Variants in MAPK10 observed in about 807,000 individuals in gnomAD.
MAPK10 encodes mitogen-activated protein kinase 10, also known as JNK3 alpha protein kinase.
Under a neutral mutation model 59.3 loss-of-function variants are expected in MAPK10, and 25 were observed. That is an observed-to-expected ratio of 0.42 (90% confidence interval 0.31 to 0.59). MAPK10 has a LOEUF of 0.59. MAPK10 is among the 20% of genes least tolerant of loss of function. The pLI is 0.15. For synonymous variants in MAPK10, 190 were observed against 200.5 expected (o/e 0.95, Z 0.44); for missense variants, 351 against 568.9 (o/e 0.62, Z 3.90).
chr4:86,376,196 C>G (rs1384989976), intron 1 of MAPK10, among the ~76,000 whole-genome samples: 5 of 152,108 alleles, frequency 3.3e-5, no homozygotes, highest in African/African-American at 2.4e-5. Context: ...TAAGGTACTA[C>G]TAAATAATAA....
At chr4:86,064,594 C>T in intron 10 of MAPK10, 9 of 572,360 alleles carry the variant, frequency 1.6e-5, no homozygotes, top group Middle Eastern at 4.7e-4. Flanking sequence ...CTGAGGCTCT[C>T]CAAGGGTTGT....
At chr4:86,228,530 A>AT (rs1233530093) in intron 2 of MAPK10, among the ~76,000 whole-genome samples, 2 of 152,196 alleles carry the variant, frequency 1.3e-5, no homozygotes, top group Non-Finnish European at 2.9e-5. Flanking sequence ...TAAGTTACAA[A>AT]TTCATCTCAG....
intron 1 of MAPK10, among the ~76,000 whole-genome samples, chr4:86,473,219 G>A (rs1426810126): frequency 1.3e-5 from 2 of 152,250 alleles, no homozygotes; most frequent in East Asian, 1.9e-4. Context: ...AGAAATTGTG[G>A]TCTTAAAATA....
chr4:86,400,882 T>A (rs1743620584), intron 1 of MAPK10, among the ~76,000 whole-genome samples: 1 of 152,138 alleles, frequency 6.6e-6, no homozygotes, highest in Non-Finnish European at 1.5e-5. Context: ...CTTTTATTTT[T>A]AAAAGAATTT....
chr4:86,219,200 A>G (rs553166474), intron 2 of MAPK10, among the ~76,000 whole-genome samples: 86 of 152,138 alleles, frequency 5.7e-4, no homozygotes, highest in African/African-American at 2.0e-3. Context: ...AGAGATTTCC[A>G]TGGTATTGGG....
intron 2 of MAPK10, 34 bp downstream of exon 2, chr4:86,354,496 C>T: frequency 1.0e-6 from 1 of 978,976 alleles, no homozygotes; most frequent in Non-Finnish European, 1.3e-6. Context: ...TCCTAGTTTT[C>T]ATGCTAAGGA....
intron 9 of MAPK10, among the ~76,000 whole-genome samples, chr4:86,087,056 C>T (rs1023912934): frequency 4.6e-5 from 7 of 152,108 alleles, no homozygotes; most frequent in South Asian, 2.1e-4. Flanking sequence ...CCACATTACC[C>T]GAGCCCTAAA....
At chr4:86,089,996 C>G (rs548695978) in intron 9 of MAPK10, among the ~76,000 whole-genome samples, 74 of 152,160 alleles carry the variant, frequency 4.9e-4, no homozygotes, top group African/African-American at 1.7e-3. Context: ...AACTGTGAAT[C>G]AAAAGAAACC....
intron 2 of MAPK10, among the ~76,000 whole-genome samples, chr4:86,235,776 G>A (rs1429745399): frequency 2.0e-5 from 3 of 152,116 alleles, no homozygotes; most frequent in Non-Finnish European, 4.4e-5. Context: ...CTGTGGTGGA[G>A]GTGAACAGTG....
At position 86,103,228 on chromosome 4, in the gene MAPK10, T is replaced by C; in HGVS notation, c.383A>G (p.Asn128Ser). 6.3e-7 allele frequency: 1 copy of C among 1,589,148 alleles called. No individual in the cohort carries two copies. The highest frequency in any genetic ancestry group is 2.2e-5 in the East Asian group (1 of 44,722). ...VNHKNIISLLNVFTPQKTLEE... is the reference protein window; with the variant it reads ...VNHKNIISLLSVFTPQKTLEE... ...CAGCGTTTTCTGGGGTGTGAAGACA[T>C]TTAATAAACTAATAATCTGAAAGAG... is the stretch of plus-strand genomic sequence containing the variant. Residue 128 changes from asparagine to serine, a missense_variant, in exon 6 of 14, where the codon AAT (asparagine) becomes AGT (serine). This residue lies in a region of MAPK10 where 51 missense variants were observed against 72.7 expected (regional missense o/e 0.70). Transcript: ENST00000641462.
intron 13 of MAPK10, chr4:86,027,791 G>T (rs938948048): frequency 2.6e-5 from 4 of 152,060 alleles, no homozygotes; most frequent in Non-Finnish European, 5.9e-5. Flanking sequence ...AATCAATACG[G>T]GATAATAAGA....
In MAPK10 at chr4:86,016,603, A is replaced by C. The variant is rs886059671; in HGVS notation, c.*625T>G. ...TCTTATAAGACATACAGTTTAATCA[A>C]TTAACAAACTAAACAGCTTATATAC... On this transcript the variant is annotated 3_prime_UTR_variant, in exon 14 of 14. Coordinates refer to ENST00000641462, the MANE Select transcript of MAPK10 (RefSeq NM_138982.4). 1.3e-5 allele frequency: 2 copies of C among 152,698 alleles called. No homozygotes were observed. Among genetic ancestry groups the C allele is most frequent in the Non-Finnish European group, 2.9e-5 (2 of 68,154 alleles). The allele number at this position is 152,698 out of a possible 1,614,324, so 9.5% of individuals were successfully genotyped here. A position where few individuals can be genotyped will look rare whatever the true frequency, so the allele number is the denominator to read the frequency against.
At chr4:86,051,275 A>T (rs1161208665) in intron 11 of MAPK10, among the ~76,000 whole-genome samples, 2 of 152,138 alleles carry the variant, frequency 1.3e-5, no homozygotes, top group African/African-American at 2.4e-5. Flanking sequence ...ATAGACTTGT[A>T]AAAAGGGAGT....
chr4:86,031,137 A>G (rs2038926921), intron 12 of MAPK10, among the ~76,000 whole-genome samples: 1 of 152,202 alleles, frequency 6.6e-6, no homozygotes, highest in African/African-American at 2.4e-5. Context: ...AACACTGACA[A>G]TCAGTACCAT....
chr4:86,368,941 G>A lies in MAPK10; in HGVS notation c.-121-14297C>T, dbSNP rs141318401. Among the ~76,000 whole-genome samples the A allele has an allele frequency of 9.5e-3, 1,438 of 152,132 alleles. 6 individuals carry two copies. The highest frequency in any genetic ancestry group is 0.015 in the Non-Finnish European group (1,009 of 67,974). On this transcript the variant is annotated intron_variant, in intron 1 of 13. Transcript: ENST00000361569. ...TTGAACAATGATGCTAATAGAAAAC[G>A]CCCTTTTCTTAGATCCCAGCAGAAG...
rs1385486087 is a variant in MAPK10, at chr4:86,016,931, CT to C, written c.*296del. ...CGGTTTTGCAGCCATTAAAATTACA[CT>C]TTATGGAAAAGGCTTCTCTAATTGT... On this transcript the variant is annotated 3_prime_UTR_variant, in exon 14 of 14. Transcript: ENST00000641462. The C allele has an allele frequency of 8.0e-6, 2 of 251,008 alleles. No individual in the cohort carries two copies. Among genetic ancestry groups the C allele is most frequent in the African/African-American group, 4.5e-5 (2 of 44,536 alleles). The allele number at this position is 251,008 out of a possible 1,614,324, so 15.5% of individuals were successfully genotyped here. A position where few individuals can be genotyped will look rare whatever the true frequency, so the allele number is the denominator to read the frequency against.
At chr4:86,202,869 C>G (rs561796224) in intron 2 of MAPK10, among the ~76,000 whole-genome samples, 1 of 151,984 alleles carries the variant, frequency 6.6e-6, no homozygotes, top group African/African-American at 2.4e-5. Context: ...TACAAAGTCA[C>G]TGCGTAACCT....
intron 1 of MAPK10, among the ~76,000 whole-genome samples, chr4:86,566,661 G>C (rs775027736): frequency 2.6e-5 from 4 of 151,964 alleles, no homozygotes; most frequent in African/African-American, 4.8e-5. Context: ...TTTGCAGTGA[G>C]CCGACACAGT....
chr4:86,313,595 C>A (rs1279003131), intron 2 of MAPK10, among the ~76,000 whole-genome samples: 3 of 151,932 alleles, frequency 2.0e-5, no homozygotes, highest in African/African-American at 7.2e-5. Flanking sequence ...TCCAAGTGGC[C>A]AAAAAGCAGA....
Sources: allele counts gnomAD v4.1 joint callset (sites outside exome capture counted in the v4.1 genomes callset), GRCh38; gene constraint gnomAD v4.1.1; regional missense constraint gnomAD v4.1.1; transcripts MANE v1.5; gene names NCBI Gene and HGNC (gene_info 2026-07-23, HGNC 2026-07-21).